Variants in ZMIZ1 observed in about 807,000 individuals in gnomAD.
ZMIZ1 encodes the protein zinc finger MIZ-type containing 1.
Under a neutral mutation model 113.9 loss-of-function variants are expected in ZMIZ1, and 17 were observed. That is an observed-to-expected ratio of 0.15 (90% confidence interval 0.10 to 0.22). The LOEUF (loss-of-function observed/expected upper bound fraction) is 0.22. Ranked by LOEUF, ZMIZ1 falls within the 10% of genes least tolerant of loss-of-function variation. The pLI is 1.00. For missense variants in ZMIZ1, 1,059 were observed against 1,477.8 expected, an observed-to-expected ratio of 0.72 and a Z score of 4.65; for synonymous variants, 607 against 603.1, an observed-to-expected ratio of 1.01 and a Z score of -0.09.
chr10:79,264,915 A>T (rs755296259), intron 7 of ZMIZ1, among the ~76,000 whole-genome samples: 3 of 152,132 alleles, frequency 2.0e-5, no homozygotes, highest in Non-Finnish European at 2.9e-5. Flanking sequence ...ATGGCCCCTG[A>T]GTTAGAGATG....
chr10:79,178,226 C>T (rs114871045), intron 4 of ZMIZ1, among the ~76,000 whole-genome samples: 199 of 152,366 alleles, frequency 1.3e-3, no homozygotes, highest in African/African-American at 4.6e-3. Flanking sequence ...CCTGTCTCCC[C>T]ATCTGTGAAC....
intron 7 of ZMIZ1, among the ~76,000 whole-genome samples, chr10:79,263,428 G>A (rs35391491): frequency 0.07 from 10,666 of 152,224 alleles, 799 homozygotes; most frequent in East Asian, 0.19. Flanking sequence ...GGTCAGCAGA[G>A]TCACCCAGCA....
At chr10:79,200,910 CACAT>C (rs1694815679) in intron 4 of ZMIZ1, among the ~76,000 whole-genome samples, 1 of 152,212 alleles carries the variant, frequency 6.6e-6, no homozygotes, top group African/African-American at 2.4e-5. Context: ...AACACACACA[CACAT>C]ACACACGTAC....
chr10:79,247,728 C>CAA (rs1850295425), intron 7 of ZMIZ1, among the ~76,000 whole-genome samples: 1 of 152,178 alleles, frequency 6.6e-6, no homozygotes, highest in Non-Finnish European at 1.5e-5. Context: ...CCAGGACACT[C>CAA]ACATTTTCTG....
At chr10:79,094,968 A>AG (rs577278512) in intron 1 of ZMIZ1, among the ~76,000 whole-genome samples, 16,540 of 149,970 alleles carry the variant, frequency 0.11, 1,186 homozygotes, top group South Asian at 0.19. Flanking sequence ...AAAAAAAAAA[A>AG]AGAGAGAGAG....
At chr10:79,156,747 C>T (rs1459313680) in intron 3 of ZMIZ1, among the ~76,000 whole-genome samples, 1 of 152,190 alleles carries the variant, frequency 6.6e-6, no homozygotes, top group Non-Finnish European at 1.5e-5. Context: ...CCAGGACTTC[C>T]CGCAGACCCC....
chr10:79,124,736 T>C (rs10824720), intron 2 of ZMIZ1, among the ~76,000 whole-genome samples: 4,916 of 152,264 alleles, frequency 0.032, 110 homozygotes, highest in African/African-American at 0.056. Flanking sequence ...GTGGGGTTCC[T>C]ATACAGAGTG....
intron 4 of ZMIZ1, among the ~76,000 whole-genome samples, chr10:79,165,962 G>GCGCGCGCA (rs59980849): frequency 1.6e-5 from 1 of 61,128 alleles, no homozygotes; most frequent in Non-Finnish European, 4.9e-5. Flanking sequence ...GTGTGTGTGT[G>GCGCGCGCA]TGTGTGTGTG....
At chr10:79,189,043 T>C (rs1158708130) in intron 4 of ZMIZ1, among the ~76,000 whole-genome samples, 3 of 152,204 alleles carry the variant, frequency 2.0e-5, no homozygotes, top group Non-Finnish European at 4.4e-5. Flanking sequence ...TGATCTCCTG[T>C]CTTTATTAGA....
intron 4 of ZMIZ1, among the ~76,000 whole-genome samples, chr10:79,200,464 A>G (rs1253739198): frequency 6.6e-6 from 1 of 152,192 alleles, no homozygotes; most frequent in African/African-American, 2.4e-5. Context: ...TCCAGAGGGA[A>G]GTCCCATTCA....
At chr10:79,101,287 T>C (rs960414404) in intron 1 of ZMIZ1, among the ~76,000 whole-genome samples, 1 of 152,042 alleles carries the variant, frequency 6.6e-6, no homozygotes, top group Non-Finnish European at 1.5e-5. Flanking sequence ...AGGGGGCAAC[T>C]GAGTAAGTCC....
chr10:79,297,699 C>T lies in ZMIZ1; in HGVS notation c.1491+9C>T. On this transcript the variant is annotated intron_variant, in intron 14 of 24. Coordinates refer to ENST00000334512, the MANE Select transcript of ZMIZ1 (RefSeq NM_020338.4). Reference sequence around the variant, plus strand: ...AAGGGAATGTCAACAGGGTATGTTCCAATTTAATTTACAAATTCTAAGCCA... The same window carrying T: ...AAGGGAATGTCAACAGGGTATGTTCTAATTTAATTTACAAATTCTAAGCCA... The T allele has an allele frequency of 6.2e-7, 1 of 1,612,326 alleles. No individual in the cohort carries two copies. Among genetic ancestry groups the T allele is most frequent in the Non-Finnish European group, 8.5e-7 (1 of 1,178,388 alleles).
chr10:79,211,729 GGGGCCGGCACAAGCCCC>G (rs1305048696), intron 6 of ZMIZ1, among the ~76,000 whole-genome samples: 7 of 152,192 alleles, frequency 4.6e-5, no homozygotes, highest in African/African-American at 1.4e-4. Flanking sequence ...CCCTGCCCCA[GGGGCCGGCACAAGCCCC>G]GGGCCACCAC....
chr10:79,280,666 G>A (rs1385756908), intron 8 of ZMIZ1, among the ~76,000 whole-genome samples: 1 of 144,798 alleles, frequency 6.9e-6, no homozygotes, highest in Admixed American at 6.9e-5. Flanking sequence ...TTTTTTTAAT[G>A]CCCACGCTTG....
chr10:79,279,288 G>A (rs1226985223), intron 8 of ZMIZ1, among the ~76,000 whole-genome samples: 1 of 151,718 alleles, frequency 6.6e-6, no homozygotes, highest in Non-Finnish European at 1.5e-5. Context: ...CCCAGATGGG[G>A]TGGTGGCGGG....
At chr10:79,290,477 GCCTGCT>G (rs1399771676) in intron 9 of ZMIZ1, among the ~76,000 whole-genome samples, 1 of 152,150 alleles carries the variant, frequency 6.6e-6, no homozygotes, top group Non-Finnish European at 1.5e-5. Context: ...ACCGGTTGTC[GCCTGCT>G]CCTGCTGCCC....
chr10:79,224,981 C>T (rs537141204), intron 7 of ZMIZ1, among the ~76,000 whole-genome samples: 5 of 152,186 alleles, frequency 3.3e-5, no homozygotes, highest in Non-Finnish European at 7.4e-5. Flanking sequence ...TAGAATGTGC[C>T]CCTTACCCAC....
At chr10:79,294,264 C>T (rs1853720412) in intron 12 of ZMIZ1, 2 of 157,506 alleles carry the variant, frequency 1.3e-5, no homozygotes, top group South Asian at 1.8e-4. Flanking sequence ...ACTGACCCGT[C>T]AGGGAAGTGA....
intron 2 of ZMIZ1, among the ~76,000 whole-genome samples, chr10:79,119,494 C>T (rs972611176): frequency 1.3e-5 from 2 of 152,236 alleles, no homozygotes; most frequent in African/African-American, 4.8e-5. Context: ...GAACGTCACT[C>T]ACTCAGGAAG....
Sources: allele counts gnomAD v4.1 joint callset (sites outside exome capture counted in the v4.1 genomes callset), GRCh38; gene constraint gnomAD v4.1.1; transcripts MANE v1.5; gene names NCBI Gene and HGNC (gene_info 2026-07-23, HGNC 2026-07-21).